The following CDH13 variants were observed in gnomAD, a reference collection of about 807,000 sequenced individuals.
The protein encoded by CDH13 is cadherin 13.
A neutral mutation model predicts 63.8 loss-of-function variants in CDH13; 24 were observed. That is an observed-to-expected ratio of 0.38 (90% CI 0.27 to 0.53). The LOEUF (loss-of-function observed/expected upper bound fraction) is 0.53. Ranked by LOEUF, CDH13 falls within the 20% of genes least tolerant of loss-of-function variation. The pLI is 0.85. For synonymous variants in CDH13, 503 were observed against 355.3 expected, an observed-to-expected ratio of 1.42 and a Z score of -4.67; for missense variants, 1,049 against 903.1, an observed-to-expected ratio of 1.16 and a Z score of -2.07.
At chr16:83,534,739 C>G (rs2075151018) in intron 7 of CDH13, among the ~76,000 whole-genome samples, 2 of 152,226 alleles carry the variant, frequency 1.3e-5, no homozygotes, top group African/African-American at 2.4e-5. Context: ...GACATTTGAG[C>G]TGCTTCTACT....
chr16:83,543,382 C>G (rs1449661043), intron 7 of CDH13, among the ~76,000 whole-genome samples: 1 of 152,150 alleles, frequency 6.6e-6, no homozygotes, highest in African/African-American at 2.4e-5. Flanking sequence ...TGACATGGCT[C>G]CTTTAATGGG....
chr16:83,523,087 C>T (rs2074878299), intron 7 of CDH13, among the ~76,000 whole-genome samples: 1 of 152,190 alleles, frequency 6.6e-6, no homozygotes, highest in South Asian at 2.1e-4. Context: ...CCTATTCCAC[C>T]CTCCTCTGGT....
chr16:83,733,270 G>T (rs1434670904), intron 10 of CDH13, among the ~76,000 whole-genome samples: 2 of 152,334 alleles, frequency 1.3e-5, no homozygotes, highest in East Asian at 3.9e-4. Flanking sequence ...TGGTGATGGT[G>T]CCTCCGGATG....
intron 1 of CDH13, among the ~76,000 whole-genome samples, chr16:82,813,426 A>G (rs1014375363): frequency 6.6e-6 from 1 of 152,166 alleles, no homozygotes; most frequent in East Asian, 1.9e-4. Flanking sequence ...TGCAGATATT[A>G]AAACCTTATT....
chr16:83,696,429 C>A (rs1236978036), intron 10 of CDH13, among the ~76,000 whole-genome samples: 2 of 151,974 alleles, frequency 1.3e-5, no homozygotes, highest in Non-Finnish European at 2.9e-5. Flanking sequence ...GGTGGGAGGA[C>A]CAGGGAATCC....
chr16:83,231,758 T>TA (rs2040003771), intron 5 of CDH13, among the ~76,000 whole-genome samples: 1 of 152,154 alleles, frequency 6.6e-6, no homozygotes, highest in Non-Finnish European at 1.5e-5. Flanking sequence ...CCGGACTAGA[T>TA]GAACCCTGGT....
At chr16:83,540,223 G>A (rs994409297) in intron 7 of CDH13, among the ~76,000 whole-genome samples, 2 of 151,946 alleles carry the variant, frequency 1.3e-5, no homozygotes, top group Non-Finnish European at 2.9e-5. Flanking sequence ...AAGATTGAGG[G>A]TCGTGATCAA....
In CDH13 at chr16:83,108,905, C is replaced by T. The variant is rs569229897; in HGVS notation, c.367-16480C>T. The stretch of plus-strand genomic sequence containing the variant: ...CGAGTCACAGGTTCTGCCCTGCCTC[C>T]TGGAATTCTCCAGTGGGAATGTACT... On this transcript the variant is annotated intron_variant, in intron 3 of 13. Coordinates refer to ENST00000567109, the MANE Select transcript of CDH13 (RefSeq NM_001257.5). Among the ~76,000 whole-genome samples the T allele has an allele frequency of 2.6e-5, 4 of 152,280 alleles. No homozygotes were observed. In the East Asian group the frequency reaches 7.7e-4, roughly 29 times the overall value.
chr16:83,125,923 A>AT (rs2035792527), intron 4 of CDH13, among the ~76,000 whole-genome samples: 1 of 152,198 alleles, frequency 6.6e-6, no homozygotes, highest in Non-Finnish European at 1.5e-5. Flanking sequence ...CAAAAACTAA[A>AT]CCAGATCAAG....
At chr16:82,672,570 G>A (rs528846388) in intron 1 of CDH13, among the ~76,000 whole-genome samples, 6 of 151,778 alleles carry the variant, frequency 4.0e-5, no homozygotes, top group Admixed American at 6.6e-5. Flanking sequence ...TGATCCTTTC[G>A]CACCATATCA....
At chr16:83,129,832 C>G (rs1438974199) in intron 4 of CDH13, among the ~76,000 whole-genome samples, 1 of 152,186 alleles carries the variant, frequency 6.6e-6, no homozygotes, top group African/African-American at 2.4e-5. Flanking sequence ...GGGCACTGAT[C>G]CCTTCTGCTT....
chr16:83,478,192 G>C (rs996466130), intron 6 of CDH13, among the ~76,000 whole-genome samples: 4 of 151,636 alleles, frequency 2.6e-5, no homozygotes, highest in Non-Finnish European at 5.9e-5. Context: ...GATCTGGCTA[G>C]TCCAGACTTG....
At chr16:83,074,763 T>A (rs2032699797) in intron 3 of CDH13, among the ~76,000 whole-genome samples, 1 of 152,172 alleles carries the variant, frequency 6.6e-6, no homozygotes, top group African/African-American at 2.4e-5. Context: ...CCAGCTCCAT[T>A]TGCAGAAAAG....
At chr16:82,856,375 A>C (rs2151162386) in intron 1 of CDH13, among the ~76,000 whole-genome samples, 1 of 79,834 alleles carries the variant, frequency 1.3e-5, no homozygotes, top group Admixed American at 1.4e-4. Flanking sequence ...ACTCCATCTC[A>C]AAAAAAAAAA....
At chr16:83,757,529 G>C (rs141308883) in intron 11 of CDH13, among the ~76,000 whole-genome samples, 87 of 152,290 alleles carry the variant, frequency 5.7e-4, no homozygotes, top group Non-Finnish European at 7.1e-4. Flanking sequence ...AGTGAACCAA[G>C]ATCGCACCAC....
intron 6 of CDH13, among the ~76,000 whole-genome samples, chr16:83,442,768 G>C (rs145378732): frequency 6.6e-6 from 1 of 152,230 alleles, no homozygotes; most frequent in African/African-American, 2.4e-5. Flanking sequence ...TGCCAGAAAG[G>C]CATGGAGAAG....
chr16:83,112,905 T>C (rs2035127995), intron 3 of CDH13, among the ~76,000 whole-genome samples: 1 of 152,242 alleles, frequency 6.6e-6, no homozygotes, highest in Admixed American at 6.5e-5. Context: ...GGAGGAACTT[T>C]AAGACCGGCT....
intron 3 of CDH13, among the ~76,000 whole-genome samples, chr16:83,064,443 G>A (rs2031837429): frequency 6.6e-6 from 1 of 152,138 alleles, no homozygotes; most frequent in Non-Finnish European, 1.5e-5. Flanking sequence ...CAGTAGAAAT[G>A]TAATGTGAGC....
intron 6 of CDH13, among the ~76,000 whole-genome samples, 196 bp downstream of exon 6, chr16:83,345,202 ATC>A (rs1469718259): frequency 6.6e-6 from 1 of 152,180 alleles, no homozygotes; most frequent in Non-Finnish European, 1.5e-5. Context: ...AGCTACGGAA[ATC>A]TCTTTCATTG....
Sources: allele counts gnomAD v4.1 joint callset (sites outside exome capture counted in the v4.1 genomes callset), GRCh38; gene constraint gnomAD v4.1.1; transcripts MANE v1.5; gene names NCBI Gene and HGNC (gene_info 2026-07-23, HGNC 2026-07-21).